The following REV3L variants were observed in gnomAD, a reference collection of about 807,000 sequenced individuals.
The protein encoded by REV3L is REV3 like, DNA directed polymerase zeta catalytic subunit.
A neutral mutation model predicts 299.4 loss-of-function variants in REV3L; 69 were observed. The ratio of observed to expected loss-of-function variants is 0.23; its 90% CI spans 0.19 to 0.28. The LOEUF (loss-of-function observed/expected upper bound fraction) is 0.28, where lower values mean the gene tolerates loss of function less well. REV3L is among the 10% of genes least tolerant of loss of function. The probability of loss-of-function intolerance (pLI) is 1.00; values close to 1 mark genes in which losing one functional copy is unlikely to be tolerated. For synonymous variants in REV3L, 1,238 were observed against 1,271.4 expected (o/e 0.97, Z 0.56); for missense variants, 3,128 against 3,693.8 (o/e 0.85, Z 3.97).
Position 111,372,921 on chromosome 6 carries a change from C to G in REV3L, c.5434G>C (p.Asp1812His), listed in dbSNP as rs3218599. 0.019 allele frequency: 29,920 copies of G among 1,614,002 alleles called. 342 individuals are homozygous for G. The highest frequency in any genetic ancestry group is 0.022 in the Non-Finnish European group (25,942 of 1,179,974). Residue 1812 changes from aspartate (D) to histidine (H), a missense_variant, in exon 13 of 32, where the codon GAC becomes CAC. Physicochemically the swap from Asp to His is moderately conservative, Grantham distance 81 (BLOSUM62 -1). Transcript: ENST00000368802. ...GCAGTAAAAGAGGTATTGGCTGAGT[C>G]AAGAGACTGTCCCATTTCTTTTCTG... ...HTRKEMGQSL[D>H]SANTSFTAIL...
At chr6:111,474,834 G>A (rs888269484) in intron 1 of REV3L, among the ~76,000 whole-genome samples, 2 of 152,028 alleles carry the variant, frequency 1.3e-5, no homozygotes, top group African/African-American at 4.8e-5. Context: ...ACATGCACAT[G>A]ATTTTAAAAT....
rs137944231 is a variant in REV3L, at chr6:111,329,033, T to C, written c.8241+499A>G. On this transcript the variant is annotated intron_variant, in intron 25 of 31. Transcript: ENST00000368802. ...CCACATGCCTTGGCCTCCCAAAGTG[T>C]TGGGGTTACAGGTGTGAGCCACTTT... 2.1e-4 allele frequency among the ~76,000 whole-genome samples: 32 copies of C among 152,292 alleles called. 1 individual carries two copies. The highest frequency in any genetic ancestry group is 1.9e-3 in the East Asian group (10 of 5,186).
intron 1 of REV3L, among the ~76,000 whole-genome samples, chr6:111,473,900 T>C (rs1218183493): frequency 1.3e-5 from 2 of 152,164 alleles, no homozygotes; most frequent in East Asian, 1.9e-4. Context: ...GAGCCTGCTA[T>C]GTAGATTTCA....
intron 3 of REV3L, among the ~76,000 whole-genome samples, chr6:111,407,551 T>A (rs1375207456): frequency 6.6e-6 from 1 of 152,208 alleles, no homozygotes; most frequent in Non-Finnish European, 1.5e-5. Context: ...AGTAAGGACC[T>A]AAAATTGGAT....
chr6:111,329,519 T>G lies in REV3L; in HGVS notation c.8241+13A>C. On this transcript the variant is annotated intron_variant, in intron 25 of 31. Coordinates refer to ENST00000368802, the MANE Select transcript of REV3L (RefSeq NM_001372078.1). ...AGTCTCTTTTGAAAAAACTACAGAT[T>G]TGTATCACTTACCTCAATGCATGGC... 6.2e-7 allele frequency: 1 copy of G among 1,612,790 alleles called. No homozygotes were observed. Among genetic ancestry groups the G allele is most frequent in the Non-Finnish European group, 8.5e-7 (1 of 1,178,886 alleles).
upstream of REV3L, chr6:111,483,680 C>A (rs1382359119): frequency 2.5e-6 from 1 of 402,726 alleles, no homozygotes. Context: ...GAAAATCCGC[C>A]CGCGTGAGGA....
chr6:111,364,196 C>T (rs897756788), intron 15 of REV3L, among the ~76,000 whole-genome samples: 15 of 152,020 alleles, frequency 9.9e-5, no homozygotes, highest in African/African-American at 2.9e-4. Flanking sequence ...ATAAGCAAAC[C>T]ATATGTTATC....
At chr6:111,303,131 A>G (rs2114681810) in intron 31 of REV3L, among the ~76,000 whole-genome samples, 1 of 144,074 alleles carries the variant, frequency 6.9e-6, no homozygotes, top group South Asian at 2.2e-4. Flanking sequence ...TAATATTTCT[A>G]CTTTTTGAAA....
At chr6:111,343,877 T>A in intron 21 of REV3L, 48 bp downstream of exon 21, 1 of 1,240,728 alleles carries the variant, frequency 8.1e-7, no homozygotes, top group Non-Finnish European at 1.1e-6. Flanking sequence ...ATAAATTACA[T>A]CTCAATGATG....
Position 111,363,982 on chromosome 6 carries a change from TA to T in REV3L, c.6754-5del, listed in dbSNP as rs3218576. On this transcript the variant is annotated splice_polypyrimidine_tract_variant and splice_region_variant and intron_variant, in intron 15 of 31. Transcript: ENST00000368802. ...TATTTACTGCTGCAAATTGATTCTA[TA>T]AAAAAAAACACACACACACACAGCC... 42 of 1,559,002 alleles carry T rather than the reference TA, an allele frequency of 2.7e-5. No individual in the cohort carries two copies. The highest frequency in any genetic ancestry group is 8.3e-5 in the South Asian group (7 of 84,450).
chr6:111,367,334 GCTC>G lies in REV3L; in HGVS notation c.6451_6453del (p.Glu2151del), dbSNP rs775253156. The G allele has an allele frequency of 6.2e-7, 1 of 1,607,018 alleles. No homozygotes were observed. The highest frequency in any genetic ancestry group is 1.3e-5 in the African/African-American group (1 of 74,358). ...AAGTTCTCAAAAGCCAATGAAGGCA[GCTC>G]CTCTACTGGTGATGAGGGTCTATCA... On this transcript the variant is annotated inframe_deletion, in exon 14 of 32. Transcript: ENST00000368802.
In REV3L at chr6:111,483,159, G is replaced by A. The variant is rs1257615206; in HGVS notation, c.-271C>T. On this transcript the variant is annotated 5_prime_UTR_variant, in exon 1 of 32. Coordinates refer to ENST00000368802, the MANE Select transcript of REV3L (RefSeq NM_001372078.1). ...CTGCCGCCACTGCCGCCACCGCCGGGAATCACACGGGCTCCTCGGTCCCAG... is the reference window on the plus strand; with the variant it reads ...CTGCCGCCACTGCCGCCACCGCCGGAAATCACACGGGCTCCTCGGTCCCAG... 2 of 489,540 alleles carry A rather than the reference G, an allele frequency of 4.1e-6. No homozygotes were observed. The highest frequency in any genetic ancestry group is 3.5e-6 in the Non-Finnish European group (1 of 282,720). The allele number at this position is 489,540 out of a possible 1,614,324, so 30.3% of individuals were successfully genotyped here. A position where few individuals can be genotyped will look rare whatever the true frequency, so the allele number is the denominator to read the frequency against.
rs746372132 is a variant in REV3L, at chr6:111,389,117, G to T, written c.851C>A (p.Pro284His). The change falls in exon 7 of 32, where the codon CCT becomes CAT. Residue 284 changes from proline to histidine, a missense_variant. By Grantham distance (77) the Pro-to-His change is moderately conservative. This residue lies in a region of REV3L where 2,409 missense variants were observed against 2,611.8 expected (regional missense o/e 0.92). Transcript: ENST00000368802. ...NRNETSQMSQ[P>H]ESQDHRFVPA... Reference sequence around the variant, plus strand: ...TATTAGGTTTATACCTTGTGACTCAGGTTGGCTCATTTGAGAAGTTTCATT... The same window carrying T: ...TATTAGGTTTATACCTTGTGACTCATGTTGGCTCATTTGAGAAGTTTCATT... 2 of 1,613,018 alleles carry T rather than the reference G, an allele frequency of 1.2e-6. No individual in the cohort carries two copies. The highest frequency in any genetic ancestry group is 8.5e-7 in the Non-Finnish European group (1 of 1,179,084).
intron 3 of REV3L, 126 bp from the exon 4 acceptor site, chr6:111,405,756 C>T (rs1415639919): frequency 1.0e-5 from 6 of 578,986 alleles, no homozygotes; most frequent in Non-Finnish European, 1.7e-5. Context: ...TCAATTTTAC[C>T]GGAAATTTGT....
chr6:111,474,438 A>C (rs1423142348), intron 1 of REV3L, among the ~76,000 whole-genome samples: 2 of 152,170 alleles, frequency 1.3e-5, no homozygotes, highest in African/African-American at 4.8e-5. Flanking sequence ...CAATTCCATG[A>C]TCCCTTTCCC....
At chr6:111,423,772 T>C (rs779485326) in intron 1 of REV3L, among the ~76,000 whole-genome samples, 1 of 152,032 alleles carries the variant, frequency 6.6e-6, no homozygotes, top group African/African-American at 2.4e-5. Flanking sequence ...CAAGAGGCTA[T>C]GGTAACTGGA....
chr6:111,447,757 T>C (rs758820371), intron 1 of REV3L, among the ~76,000 whole-genome samples: 3 of 152,170 alleles, frequency 2.0e-5, no homozygotes, highest in Non-Finnish European at 4.4e-5. Context: ...CAGACTATAG[T>C]TGGTCAACCC....
intron 19 of REV3L, among the ~76,000 whole-genome samples, chr6:111,351,251 A>C (rs1436429217): frequency 3.3e-5 from 5 of 152,146 alleles, no homozygotes; most frequent in African/African-American, 1.2e-4. Flanking sequence ...ATTAAAAAAA[A>C]CAGAGGCAGA....
Position 111,326,242 on chromosome 6 carries a change from G to A in REV3L, c.8241+3290C>T, listed in dbSNP as rs1774792627. ...TATTTGCAAACTACCCATCTAACAT[G>A]GGATTAATAACCAGAATATGTAAGG... On this transcript the variant is annotated intron_variant, in intron 25 of 31. Transcript: ENST00000368802. Among the ~76,000 whole-genome samples, 3 of 152,000 alleles carry A rather than the reference G, an allele frequency of 2.0e-5. No individual in the cohort carries two copies. In the South Asian group the frequency reaches 6.2e-4, roughly 31 times the overall value.
Sources: gnomAD v4.1 joint callset for allele counts (sites outside exome capture counted in the v4.1 genomes callset) on GRCh38, gnomAD v4.1.1 for gene constraint, gnomAD v4.1.1 regional missense constraint, MANE v1.5 for transcripts, NCBI Gene and HGNC (gene_info 2026-07-23, HGNC 2026-07-21) for gene names.